Variants in COL28A1 observed in about 807,000 individuals in gnomAD.
The protein encoded by COL28A1 is collagen type XXVIII alpha 1 chain, also known as collagen alpha-1(XXVIII) chain.
Under a neutral mutation model 150.2 loss-of-function variants are expected in COL28A1, and 161 were observed. The observed-to-expected ratio is 1.07, with a 90% CI of 0.94 to 1.22. The LOEUF (loss-of-function observed/expected upper bound fraction) is 1.22. COL28A1 is among the 50% of genes most tolerant of loss of function. The pLI is 0.00. For synonymous variants in COL28A1, 552 were observed against 469.7 expected (o/e 1.18, Z -2.26); for missense variants, 1,617 against 1,388.3 (o/e 1.16, Z -2.62).
At chr7:7,504,833 C>G (rs1437894948) in intron 11 of COL28A1, among the ~76,000 whole-genome samples, 2 of 152,216 alleles carry the variant, frequency 1.3e-5, no homozygotes, top group African/African-American at 4.8e-5. Flanking sequence ...GACTGTAAGC[C>G]TCTTTCTCAC....
intron 11 of COL28A1, among the ~76,000 whole-genome samples, chr7:7,498,087 C>T (rs1371353461): frequency 2.0e-5 from 3 of 152,138 alleles, no homozygotes; most frequent in African/African-American, 7.2e-5. Flanking sequence ...ACTCTTAACT[C>T]ACCTTCTAGA....
chr7:7,539,197 G>C (rs1184340642), upstream of COL28A1, among the ~76,000 whole-genome samples: 1 of 152,120 alleles, frequency 6.6e-6, no homozygotes, highest in Non-Finnish European at 1.5e-5. Context: ...AAAGAAAAGA[G>C]GTTTATTTGG....
rs762557750 is a variant in COL28A1, at chr7:7,436,372, AAAAG to A, written c.1860+19_1860+22del. 7 of 1,116,256 alleles carry A rather than the reference AAAAG, an allele frequency of 6.3e-6. No homozygotes were observed. The highest frequency in any genetic ancestry group is 9.6e-6 in the Non-Finnish European group (7 of 725,844). The allele number at this position is 1,116,256 out of a possible 1,614,324, so 69.1% of individuals were successfully genotyped here. ...CATTTATTTCAGATACAGAAAAACA[AAAAG>A]AACATGAATAAAGCATACCTTTGGT... On this transcript the variant is annotated intron_variant, in intron 23 of 34. Coordinates refer to ENST00000399429, the MANE Select transcript of COL28A1 (RefSeq NM_001037763.3).
At chr7:7,350,979 TG>T in the COL28A1 span, among the ~76,000 whole-genome samples, 1 of 152,164 alleles carries the variant, frequency 6.6e-6, no homozygotes, top group African/African-American at 2.4e-5. Context: ...AGAAAGTCTT[TG>T]CTGTTTATGC....
At chr7:7,352,566 T>A (rs1780255709), downstream of COL28A1, among the ~76,000 whole-genome samples, 1 of 152,166 alleles carries the variant, frequency 6.6e-6, no homozygotes, top group Admixed American at 6.5e-5. Context: ...GGACCCAACA[T>A]GCTGTTGCTG....
rs1176356354 is a variant in COL28A1, at chr7:7,383,688, A to G, written c.2137-2076T>C. The stretch of plus-strand genomic sequence containing the variant: ...AATTTGTGTGTGTGTGTGTGTATAT[A>G]TATATATATATATATGTATATGAGA... On this transcript the variant is annotated intron_variant, in intron 27 of 34. Coordinates refer to ENST00000399429, the MANE Select transcript of COL28A1 (RefSeq NM_001037763.3). Among the ~76,000 whole-genome samples, 664 of 136,344 alleles carry G rather than the reference A, an allele frequency of 4.9e-3. 5 individuals carry two copies. The highest frequency in any genetic ancestry group is 0.019 in the African/African-American group (640 of 33,062). The allele number at this position is 136,344 out of a possible 152,430, so 89.4% of individuals were successfully genotyped here.
chr7:7,364,812 C>A (rs1323122272), intron 33 of COL28A1, among the ~76,000 whole-genome samples: 6 of 151,872 alleles, frequency 4.0e-5, no homozygotes, highest in Non-Finnish European at 2.9e-5. Context: ...TATCTTTTTT[C>A]TTTCTTTTCT....
At chr7:7,528,584 A>C (rs948665801) in intron 3 of COL28A1, among the ~76,000 whole-genome samples, 1 of 152,234 alleles carries the variant, frequency 6.6e-6, no homozygotes, top group African/African-American at 2.4e-5. Context: ...CTTCTGATAC[A>C]GAAAAAAACC....
chr7:7,531,613 T>C lies in COL28A1; in HGVS notation c.416A>G (p.Asn139Ser), dbSNP rs1039050204. The C allele has an allele frequency of 8.7e-6, 14 of 1,608,032 alleles. No homozygotes were observed. The highest frequency in any genetic ancestry group is 7.7e-6 in the Non-Finnish European group (9 of 1,174,370). The part of the protein sequence containing the change: ...QGTFSYYAIS[N>S]ATRLLKREGR... ...TTCTCTCTTAAGTAGCCTAGTGGCA[T>C]TGGAAATGGCATAATAAGAGAAGGT... is the stretch of plus-strand genomic sequence containing the variant. Residue 139 changes from asparagine to serine, a missense_variant, in exon 3 of 35, where the codon AAT becomes AGT. Transcript: ENST00000399429.
At chr7:7,511,885 G>A (rs1165024177) in intron 8 of COL28A1, 2 of 446,460 alleles carry the variant, frequency 4.5e-6, no homozygotes, top group Non-Finnish European at 9.3e-6. Flanking sequence ...GAGTTTATCA[G>A]TGATAGTTTA....
At chr7:7,372,544 T>C (rs1032423829) in intron 32 of COL28A1, among the ~76,000 whole-genome samples, 1 of 152,182 alleles carries the variant, frequency 6.6e-6, no homozygotes, top group Non-Finnish European at 1.5e-5. Flanking sequence ...TTAATCCCAG[T>C]TACTTGCATT....
chr7:7,473,198 G>A (rs903918590), intron 15 of COL28A1, among the ~76,000 whole-genome samples: 1 of 152,072 alleles, frequency 6.6e-6, no homozygotes. Flanking sequence ...AAACTAAAAA[G>A]CTTTTTCACA....
intron 27 of COL28A1, among the ~76,000 whole-genome samples, chr7:7,413,603 G>C (rs1308432795): frequency 6.6e-6 from 1 of 152,106 alleles, no homozygotes; most frequent in Non-Finnish European, 1.5e-5. Context: ...CTTTTTGCCT[G>C]CTGGGTTTAA....
intron 23 of COL28A1, 121 bp from the exon 24 acceptor site, chr7:7,432,821 G>C: frequency 1.4e-6 from 1 of 723,804 alleles, no homozygotes; most frequent in Non-Finnish European, 2.4e-6. Flanking sequence ...GTTAGAAAAT[G>C]ACTTATTGCT....
intron 11 of COL28A1, among the ~76,000 whole-genome samples, chr7:7,504,088 T>A (rs1246348218): frequency 6.6e-6 from 1 of 152,236 alleles, no homozygotes; most frequent in Non-Finnish European, 1.5e-5. Context: ...AGAAAAATTA[T>A]AACCAACCCC....
At chr7:7,381,991 T>C (rs937694088) in intron 27 of COL28A1, among the ~76,000 whole-genome samples, 3 of 152,170 alleles carry the variant, frequency 2.0e-5, no homozygotes, top group Admixed American at 6.5e-5. Flanking sequence ...TTTACATTTT[T>C]CCATGTTTTC....
At position 7,373,433 on chromosome 7, in the gene COL28A1, C is replaced by T; in HGVS notation, c.2473G>A (p.Ala825Thr). ...GCAAGGTCCAGAGCAACCCGGTCAG[C>T]CATAGTCTTCACAAAATTTTTAATG... The part of the protein sequence containing the change: ...QIIKNFVKTM[A>T]DRVALDLATA... Residue 825 changes from alanine to threonine, a missense_variant, in exon 32 of 35, where the codon GCT becomes ACT. By Grantham distance (58) the Ala-to-Thr change is moderately conservative. Coordinates refer to ENST00000399429, the MANE Select transcript of COL28A1 (RefSeq NM_001037763.3). The surrounding 1 kb of genome is among the most constrained non-coding windows in gnomAD (Gnocchi z 4.1). 6.2e-7 allele frequency: 1 copy of T among 1,614,136 alleles called. No homozygotes were observed.
chr7:7,527,390 C>A (rs1277464013), intron 3 of COL28A1, among the ~76,000 whole-genome samples: 2 of 152,190 alleles, frequency 1.3e-5, no homozygotes, highest in Non-Finnish European at 2.9e-5. Flanking sequence ...TGCAAAGGAC[C>A]ACCCATTGAT....
intron 9 of COL28A1, among the ~76,000 whole-genome samples, chr7:7,509,573 A>G (rs1347071231): frequency 6.6e-6 from 1 of 151,962 alleles, no homozygotes; most frequent in Non-Finnish European, 1.5e-5. Flanking sequence ...TCACATTTTT[A>G]TATCTCTGAC....
Sources: allele counts gnomAD v4.1 joint callset (sites outside exome capture counted in the v4.1 genomes callset), GRCh38; gene constraint gnomAD v4.1.1; non-coding constraint Gnocchi (gnomAD v3.1); transcripts MANE v1.5; gene names NCBI Gene and HGNC (gene_info 2026-07-23, HGNC 2026-07-21).